The following UTS2B variants were observed in gnomAD, a reference collection of about 807,000 sequenced individuals.
The protein encoded by UTS2B is urotensin 2B.
In UTS2B, 21 loss-of-function variants were observed where a neutral mutation model predicts 19.2. The observed-to-expected ratio is 1.09, with a 90% CI of 0.78 to 1.58. The LOEUF (loss-of-function observed/expected upper bound fraction) is 1.58. Ranked by LOEUF, UTS2B falls within the 40% of genes most tolerant of loss-of-function variation. The pLI is 0.00. For synonymous variants in UTS2B, 57 were observed against 50.2 expected, an observed-to-expected ratio of 1.14 and a Z score of -0.58; for missense variants, 138 against 130.3, an observed-to-expected ratio of 1.06 and a Z score of -0.29.
intron 1 of UTS2B, chr3:191,328,999 T>A (rs531741866): frequency 5.3e-5 from 8 of 152,372 alleles, no homozygotes; most frequent in African/African-American, 1.9e-4. Flanking sequence ...AAAGAGTGTA[T>A]GAGAGAGAGG....
intron 8 of UTS2B, 31 bp downstream of exon 8, chr3:191,275,221 T>G: frequency 6.7e-7 from 1 of 1,494,946 alleles, no homozygotes; most frequent in Non-Finnish European, 9.2e-7. Context: ...CTTTTGGAAG[T>G]CAATCTTAAA....
At chr3:191,318,193 C>T (rs999470965) in intron 2 of UTS2B, among the ~76,000 whole-genome samples, 3 of 152,242 alleles carry the variant, frequency 2.0e-5, no homozygotes, top group African/African-American at 7.2e-5. Context: ...TCTCCATTCT[C>T]AGAGGTAGCT....
At chr3:191,300,708 C>CA (rs1716975480) in intron 4 of UTS2B, among the ~76,000 whole-genome samples, 1 of 152,206 alleles carries the variant, frequency 6.6e-6, no homozygotes, top group Non-Finnish European at 1.5e-5. Flanking sequence ...GTGATTGGAT[C>CA]ATGGAGGTAG....
chr3:191,291,268 T>A (rs544785986), intron 4 of UTS2B, among the ~76,000 whole-genome samples: 2 of 152,328 alleles, frequency 1.3e-5, no homozygotes, highest in South Asian at 4.1e-4. Flanking sequence ...AGTTTCACTT[T>A]CTTGATCATG....
intron 1 of UTS2B, among the ~76,000 whole-genome samples, chr3:191,330,156 C>T (rs1717918178): frequency 6.6e-6 from 1 of 152,196 alleles, no homozygotes; most frequent in African/African-American, 2.4e-5. Flanking sequence ...AAACATGACT[C>T]TTTCCCTCCT....
chr3:191,290,839 GTGTT>G (rs1361116008), intron 4 of UTS2B, among the ~76,000 whole-genome samples: 2 of 152,202 alleles, frequency 1.3e-5, no homozygotes, highest in Admixed American at 6.5e-5. Flanking sequence ...GCACAGATAA[GTGTT>G]TGTATGGTGA....
At chr3:191,329,574 T>G in intron 1 of UTS2B, 1 of 1,273,476 alleles carries the variant, frequency 7.9e-7, no homozygotes, top group Non-Finnish European at 1.1e-6. Context: ...CGGCCGGACT[T>G]TGCGCCGCGT....
At chr3:191,330,128 T>C (rs1309239469) in intron 1 of UTS2B, among the ~76,000 whole-genome samples, 4 of 152,050 alleles carry the variant, frequency 2.6e-5, no homozygotes, top group Admixed American at 2.6e-4. Flanking sequence ...TTCAGTTCCG[T>C]GTGGAGCCTT....
intron 2 of UTS2B, among the ~76,000 whole-genome samples, chr3:191,323,307 C>CT (rs1717659014): frequency 1.3e-5 from 2 of 151,956 alleles, no homozygotes; most frequent in South Asian, 4.2e-4. Flanking sequence ...ATAACTAGGG[C>CT]TACAGGCATG....
the UTS2B span, among the ~76,000 whole-genome samples, chr3:191,341,533 CTGTT>C: frequency 6.6e-6 from 1 of 152,062 alleles, no homozygotes; most frequent in Non-Finnish European, 1.5e-5. Flanking sequence ...TCTGTATACT[CTGTT>C]TATTTGTATG....
chr3:191,283,740 T>C (rs1213519062), intron 4 of UTS2B, among the ~76,000 whole-genome samples: 1 of 151,496 alleles, frequency 6.6e-6, no homozygotes, highest in Non-Finnish European at 1.5e-5. Context: ...TAAAGCTATA[T>C]GAGCTGAAAG....
chr3:191,344,869 A>G, the UTS2B span, among the ~76,000 whole-genome samples: 1 of 152,182 alleles, frequency 6.6e-6, no homozygotes. Flanking sequence ...GTGAGCCACC[A>G]TGCCCAGCCA....
intron 2 of UTS2B, among the ~76,000 whole-genome samples, chr3:191,317,295 CG>C (rs1315519722): frequency 6.6e-6 from 1 of 152,148 alleles, no homozygotes; most frequent in African/African-American, 2.4e-5. Context: ...TCTCTGAGTG[CG>C]GGGGGGCCTC....
the UTS2B span, among the ~76,000 whole-genome samples, chr3:191,344,929 GCACATCCTCAAATCCT>G: frequency 6.6e-6 from 1 of 152,154 alleles, no homozygotes; most frequent in Non-Finnish European, 1.5e-5. Flanking sequence ...TGTGAGGAAT[GCACATCCTCAAATCCT>G]CACATCCTCA....
chr3:191,274,250 T>TA (rs545334624), intron 8 of UTS2B, among the ~76,000 whole-genome samples: 11 of 152,154 alleles, frequency 7.2e-5, no homozygotes, highest in African/African-American at 1.9e-4. Context: ...TTCTCGTCTA[T>TA]AAAAAAAGTC....
chr3:191,329,883 G>A (rs577093592), intron 1 of UTS2B, among the ~76,000 whole-genome samples: 2 of 148,148 alleles, frequency 1.3e-5, no homozygotes, highest in Admixed American at 1.4e-4. Flanking sequence ...TCAGGTTCTA[G>A]TGTGGGACGT....
chr3:191,290,255 A>C (rs1184120796), intron 4 of UTS2B, among the ~76,000 whole-genome samples: 2 of 152,198 alleles, frequency 1.3e-5, no homozygotes, highest in Non-Finnish European at 2.9e-5. Flanking sequence ...AAATAAAAGC[A>C]GATGTTTACT....
chr3:191,316,769 G>A (rs566126004), intron 2 of UTS2B, among the ~76,000 whole-genome samples: 2 of 152,262 alleles, frequency 1.3e-5, no homozygotes, highest in Middle Eastern at 6.8e-3. Context: ...TACAAACCTT[G>A]AGCTAGACAT....
intron 3 of UTS2B, among the ~76,000 whole-genome samples, chr3:191,315,009 T>C (rs1717407468): frequency 1.3e-5 from 2 of 149,524 alleles, no homozygotes; most frequent in Admixed American, 1.3e-4. Context: ...CGTGCCACCC[T>C]AGAATTTTTT....
Sources: allele counts gnomAD v4.1 joint callset (sites outside exome capture counted in the v4.1 genomes callset), GRCh38; gene constraint gnomAD v4.1.1; transcripts MANE v1.5; gene names NCBI Gene and HGNC (gene_info 2026-07-23, HGNC 2026-07-21).